Variants in RPTOR observed in about 807,000 individuals in gnomAD.
The protein encoded by RPTOR is regulatory associated protein of MTOR complex 1.
Under a neutral mutation model 169.9 loss-of-function variants are expected in RPTOR, and 21 were observed. The observed-to-expected ratio is 0.12, with a 90% CI of 0.09 to 0.18. The LOEUF (loss-of-function observed/expected upper bound fraction) is 0.18, where lower values mean the gene tolerates loss of function less well. RPTOR is among the 10% of genes least tolerant of loss of function. RPTOR has a pLI of 1.00. For synonymous variants in RPTOR, 732 were observed against 753.2 expected (o/e 0.97, Z 0.46); for missense variants, 1,133 against 1,855.9 (o/e 0.61, Z 7.16).
intron 1 of RPTOR, among the ~76,000 whole-genome samples, chr17:80,566,816 T>G: frequency 2.7e-5 from 2 of 75,026 alleles, no homozygotes; most frequent in South Asian, 1.3e-3. Flanking sequence ...AGAGCGAGAC[T>G]CCGTCTCAAA....
chr17:80,693,218 A>T (rs1948240708), intron 3 of RPTOR, among the ~76,000 whole-genome samples: 1 of 152,186 alleles, frequency 6.6e-6, no homozygotes, highest in African/African-American at 2.4e-5. Flanking sequence ...GCGGACAGTC[A>T]CAGGATGTGT....
chr17:80,699,114 GT>G (rs1388873534), intron 3 of RPTOR, among the ~76,000 whole-genome samples: 1 of 152,224 alleles, frequency 6.6e-6, no homozygotes, highest in African/African-American at 2.4e-5. Context: ...AAATGGAATT[GT>G]TTAAAATGCC....
chr17:80,719,744 G>A (rs1383694693), intron 4 of RPTOR, among the ~76,000 whole-genome samples: 2 of 152,140 alleles, frequency 1.3e-5, no homozygotes, highest in African/African-American at 4.8e-5. Flanking sequence ...CGGTACTTGT[G>A]AACAGACAAC....
At position 80,953,583 on chromosome 17, in the gene RPTOR, A is replaced by G. The variant is rs1039483310; in HGVS notation, c.3370+4036A>G. ...CCGGATGGCCGTGCCTCCAGGCAGG[A>G]CAGCACTGAGCCACTAAAAGGGATG... On this transcript the variant is annotated intron_variant, in intron 28 of 33. Coordinates refer to ENST00000306801, the MANE Select transcript of RPTOR (RefSeq NM_020761.3). 2.6e-5 allele frequency among the ~76,000 whole-genome samples: 4 copies of G among 152,386 alleles called. No homozygotes were observed. The South Asian group carries it at 8.3e-4, about 32-fold the overall frequency.
intron 2 of RPTOR, among the ~76,000 whole-genome samples, chr17:80,634,038 C>T (rs2143559507): frequency 6.6e-6 from 1 of 151,460 alleles, no homozygotes; most frequent in East Asian, 1.9e-4. Flanking sequence ...TCTCGCTGGA[C>T]AGAGCAAGGA....
At chr17:80,898,718 A>ACCTGCTCACCCAACC (rs1348239183) in intron 20 of RPTOR, among the ~76,000 whole-genome samples, 2 of 107,578 alleles carry the variant, frequency 1.9e-5, no homozygotes, top group Admixed American at 1.0e-4. Context: ...CTCCCCCCGC[A>ACCTGCTCACCCAACC]CCTGCTCACC....
chr17:80,957,039 C>T lies in RPTOR; in HGVS notation c.3371-585C>T, dbSNP rs1299671586. Among the ~76,000 whole-genome samples the T allele has an allele frequency of 6.6e-6, 1 of 152,270 alleles. No homozygotes were observed. On this transcript the variant is annotated intron_variant, in intron 28 of 33. Coordinates refer to ENST00000306801, the MANE Select transcript of RPTOR (RefSeq NM_020761.3). This position sits in a 1 kb window ranked among gnomAD's most constrained non-coding sequence, Gnocchi z 4.6. Reference sequence around the variant, plus strand: ...ACTCAGAGTTCCAGCTCAGAATTGTCGCCCCAGCCTGGACTTGGGAGTTCC... The same window carrying T: ...ACTCAGAGTTCCAGCTCAGAATTGTTGCCCCAGCCTGGACTTGGGAGTTCC...
At chr17:80,791,408 C>T (rs1229326937) in intron 6 of RPTOR, 42 bp from the exon 7 acceptor site, 1 of 1,594,004 alleles carries the variant, frequency 6.3e-7, no homozygotes, top group Middle Eastern at 1.7e-4. Flanking sequence ...TCCTGGGTGA[C>T]TGTTCCATTC....
chr17:80,859,111 G>A (rs1267495480), intron 13 of RPTOR, among the ~76,000 whole-genome samples: 4 of 152,308 alleles, frequency 2.6e-5, no homozygotes, highest in Non-Finnish European at 4.4e-5. Flanking sequence ...CTGGGGCTCG[G>A]GGAGCCTTCC....
chr17:80,777,266 G>T (rs11150742), intron 6 of RPTOR, among the ~76,000 whole-genome samples: 1 of 151,600 alleles, frequency 6.6e-6, no homozygotes, highest in Non-Finnish European at 1.5e-5. Context: ...GAAAGTGAAG[G>T]GGGAGCGGAG....
At chr17:80,833,624 G>A (rs374009992) in intron 9 of RPTOR, among the ~76,000 whole-genome samples, 16 of 152,302 alleles carry the variant, frequency 1.1e-4, no homozygotes, top group South Asian at 4.1e-4. Context: ...TGATTTTACC[G>A]TAGAAAATGC....
At chr17:80,770,318 G>A (rs964812147) in intron 6 of RPTOR, among the ~76,000 whole-genome samples, 5 of 152,224 alleles carry the variant, frequency 3.3e-5, no homozygotes, top group Non-Finnish European at 4.4e-5. Flanking sequence ...CGGGTCCTCA[G>A]ATCCAACAGG....
chr17:80,887,183 G>T (rs2672880), intron 17 of RPTOR, among the ~76,000 whole-genome samples: 2 of 151,910 alleles, frequency 1.3e-5, no homozygotes, highest in Non-Finnish European at 2.9e-5. Context: ...GCACTGGCGC[G>T]CAGACTCCGG....
intron 3 of RPTOR, among the ~76,000 whole-genome samples, chr17:80,661,564 G>C (rs998807676): frequency 6.6e-6 from 1 of 152,140 alleles, no homozygotes; most frequent in Non-Finnish European, 1.5e-5. Context: ...GCAGTGGCAC[G>C]CTTCTTGGGC....
chr17:80,719,189 G>A (rs993420325), intron 4 of RPTOR, among the ~76,000 whole-genome samples: 16 of 152,190 alleles, frequency 1.1e-4, no homozygotes, highest in Non-Finnish European at 1.9e-4. Flanking sequence ...GGCCAAGAGA[G>A]TGAAATCTGG....
At chr17:80,790,900 T>C (rs934417858) in intron 6 of RPTOR, among the ~76,000 whole-genome samples, 2 of 152,236 alleles carry the variant, frequency 1.3e-5, no homozygotes, top group African/African-American at 4.8e-5. Context: ...TCCTACCTCC[T>C]GTTGGCGCCA....
At position 80,708,630 on chromosome 17, in the gene RPTOR, C is replaced by T. The variant is rs1360990790; in HGVS notation, c.507+631C>T. On this transcript the variant is annotated intron_variant, in intron 4 of 33. Coordinates refer to ENST00000306801, the MANE Select transcript of RPTOR (RefSeq NM_020761.3). The surrounding 1 kb of genome is among the most constrained non-coding windows in gnomAD (Gnocchi z 4.2). The stretch of plus-strand genomic sequence containing the variant: ...GTGTGGTGGGTGCTGACTGTCTCCT[C>T]ATCCTCCAGGGTGTGGTGGGTGCTG... Among the ~76,000 whole-genome samples, 2 of 146,740 alleles carry T rather than the reference C, an allele frequency of 1.4e-5. No individual in the cohort carries two copies. The highest frequency in any genetic ancestry group is 6.6e-5 in the Admixed American group (1 of 15,050).
At chr17:80,689,307 T>G (rs1037707421) in intron 3 of RPTOR, among the ~76,000 whole-genome samples, 1 of 152,178 alleles carries the variant, frequency 6.6e-6, no homozygotes, top group Non-Finnish European at 1.5e-5. Flanking sequence ...GATAAATCAT[T>G]TATGTACTCA....
At chr17:80,647,279 C>T (rs1051314406) in intron 3 of RPTOR, among the ~76,000 whole-genome samples, 20 of 152,222 alleles carry the variant, frequency 1.3e-4, no homozygotes, top group African/African-American at 4.6e-4. Context: ...AGGAAAATGC[C>T]GACCGTTGTT....
Sources: allele counts gnomAD v4.1 joint callset (sites outside exome capture counted in the v4.1 genomes callset), GRCh38; gene constraint gnomAD v4.1.1; non-coding constraint Gnocchi (gnomAD v3.1); transcripts MANE v1.5; gene names NCBI Gene and HGNC (gene_info 2026-07-23, HGNC 2026-07-21).